The following CCDC50 variants were observed in gnomAD, a reference collection of about 807,000 sequenced individuals.
The protein encoded by CCDC50 is coiled-coil domain containing 50, also known as coiled-coil domain-containing protein 50.
A neutral mutation model predicts 70.2 loss-of-function variants in CCDC50; 54 were observed. The ratio of observed to expected loss-of-function variants is 0.77; its 90% CI spans 0.62 to 0.96. The LOEUF is 0.96. Among genes scored for constraint, CCDC50 ranks in the 50% least tolerant of loss-of-function variants. CCDC50 has a pLI of 0.00. For synonymous variants in CCDC50, 216 were observed against 198.8 expected (o/e 1.09, Z -0.73); for missense variants, 558 against 578.7 (o/e 0.96, Z 0.37).
In CCDC50 at chr3:191,393,058, A is replaced by T. The variant is rs1209935773; in HGVS notation, c.*1298A>T. On this transcript the variant is annotated 3_prime_UTR_variant, in exon 12 of 12. Coordinates refer to ENST00000392455, the MANE Select transcript of CCDC50 (RefSeq NM_178335.3). ...CAGCCAGCCAAGTATTTGGTTTTAA[A>T]CATTTGTATTCCTTTGTGCAAGGGA... The T allele has an allele frequency of 2.0e-5, 3 of 152,234 alleles. No homozygotes were observed. The highest frequency in any genetic ancestry group is 7.2e-5 in the African/African-American group (3 of 41,436). 9.4% of individuals were successfully genotyped at this position (152,234 alleles called of 1,614,324 possible). A position where few individuals can be genotyped will look rare whatever the true frequency, so the allele number is the denominator to read the frequency against.
rs763871131 is a variant in CCDC50, at chr3:191,391,929, A to G, written c.*169A>G. ...TTAATTCATTTCAAATGTTTTGGTTATTCATGATCACTTGGGCAGTATAAG... is the reference window on the plus strand; with the variant it reads ...TTAATTCATTTCAAATGTTTTGGTTGTTCATGATCACTTGGGCAGTATAAG... On this transcript the variant is annotated 3_prime_UTR_variant, in exon 12 of 12. Coordinates refer to ENST00000392455, the MANE Select transcript of CCDC50 (RefSeq NM_178335.3). 1.5e-5 allele frequency: 10 copies of G among 673,932 alleles called. No individual in the cohort carries two copies. Among genetic ancestry groups the G allele is most frequent in the Admixed American group, 1.1e-4 (4 of 36,330 alleles). 41.7% of individuals were successfully genotyped at this position (673,932 alleles called of 1,614,324 possible). A position where few individuals can be genotyped will look rare whatever the true frequency, so the allele number is the denominator to read the frequency against.
At chr3:191,377,926 A>G (rs1360600754) in intron 6 of CCDC50, among the ~76,000 whole-genome samples, 1 of 152,150 alleles carries the variant, frequency 6.6e-6, no homozygotes, top group Non-Finnish European at 1.5e-5. Context: ...TACTGAGATG[A>G]GGGAAGCTAG....
intron 6 of CCDC50, among the ~76,000 whole-genome samples, chr3:191,376,674 T>C (rs1377971671): frequency 6.6e-6 from 1 of 152,146 alleles, no homozygotes; most frequent in African/African-American, 2.4e-5. Context: ...CAAATATCCT[T>C]GTCTTAGGCT....
chr3:191,387,375 C>G (rs1376070867), intron 10 of CCDC50, among the ~76,000 whole-genome samples: 1 of 152,052 alleles, frequency 6.6e-6, no homozygotes, highest in East Asian at 1.9e-4. Context: ...AACAGGCAGT[C>G]TTAATACAAT....
chr3:191,360,686 A>G (rs150249856), intron 3 of CCDC50, among the ~76,000 whole-genome samples: 2 of 152,348 alleles, frequency 1.3e-5, no homozygotes, highest in Non-Finnish European at 2.9e-5. Context: ...ACACTTTTTT[A>G]TAGCTTATAA....
chr3:191,386,746 A>T (rs1713510932), intron 10 of CCDC50, among the ~76,000 whole-genome samples: 2 of 152,156 alleles, frequency 1.3e-5, no homozygotes, highest in Admixed American at 1.3e-4. Context: ...ACACACACAA[A>T]ATACTTAGGA....
intron 1 of CCDC50, among the ~76,000 whole-genome samples, chr3:191,346,069 T>G (rs1428487753): frequency 1.3e-5 from 2 of 152,238 alleles, no homozygotes; most frequent in Non-Finnish European, 2.9e-5. Context: ...CATATTTCTC[T>G]TCTTACATTG....
intron 4 of CCDC50, among the ~76,000 whole-genome samples, chr3:191,366,369 A>G (rs1390372751): frequency 6.6e-6 from 1 of 152,066 alleles, no homozygotes; most frequent in Non-Finnish European, 1.5e-5. Flanking sequence ...TATGGTTTCA[A>G]ATTTTCCAGA....
At chr3:191,384,590 G>A (rs578401) in intron 10 of CCDC50, among the ~76,000 whole-genome samples, 63,826 of 151,638 alleles carry the variant, frequency 0.42, 15,045 homozygotes, top group Non-Finnish European at 0.53. Context: ...CTTATGGTTA[G>A]AAATCCAATT....
chr3:191,332,619 G>A (rs964307495), intron 1 of CCDC50, among the ~76,000 whole-genome samples: 2 of 152,238 alleles, frequency 1.3e-5, no homozygotes, highest in African/African-American at 4.8e-5. Context: ...GTTAGGGAAA[G>A]GAACAGGCAT....
intron 7 of CCDC50, 23 bp from the exon 8 acceptor site, chr3:191,380,664 T>C: frequency 6.2e-7 from 1 of 1,607,344 alleles, no homozygotes; most frequent in Non-Finnish European, 8.5e-7. Flanking sequence ...AAATTCTTTG[T>C]TTTTGTATTT....
intron 1 of CCDC50, among the ~76,000 whole-genome samples, chr3:191,330,160 C>T (rs1717918481): frequency 6.6e-6 from 1 of 152,136 alleles, no homozygotes; most frequent in South Asian, 2.1e-4. Flanking sequence ...ATGACTCTTT[C>T]CCTCCTTCTC....
chr3:191,380,204 G>A lies in CCDC50; in HGVS notation c.1022G>A (p.Arg341Gln), dbSNP rs766721632. ...AAAGAAGCTGTATCTACTCCATCAC[G>A]AATGGCCCACAGGGATCAGGAATGG... ...VMKEAVSTPSRMAHRDQEWYD... is the reference protein window; with the variant it reads ...VMKEAVSTPSQMAHRDQEWYD... Residue 341 changes from arginine (R) to glutamine (Q), a missense_variant, in exon 7 of 12, where the codon CGA becomes CAA. By Grantham distance (43) the Arg-to-Gln change is conservative. Transcript: ENST00000392455. 4 of 1,610,576 alleles carry A rather than the reference G, an allele frequency of 2.5e-6. No individual in the cohort carries two copies. The highest frequency in any genetic ancestry group is 2.2e-5 in the South Asian group (2 of 90,922).
At chr3:191,384,712 T>G (rs1713431508) in intron 10 of CCDC50, among the ~76,000 whole-genome samples, 1 of 151,884 alleles carries the variant, frequency 6.6e-6, no homozygotes. Context: ...ATGTGTAGGT[T>G]TTTTTTACAA....
chr3:191,390,960 G>A (rs1279979713), intron 11 of CCDC50, among the ~76,000 whole-genome samples: 1 of 152,152 alleles, frequency 6.6e-6, no homozygotes, highest in Non-Finnish European at 1.5e-5. Context: ...ATTTTTATGA[G>A]AGCTGTAAAA....
chr3:191,377,363 G>A (rs1381135608), intron 6 of CCDC50, among the ~76,000 whole-genome samples: 1 of 152,176 alleles, frequency 6.6e-6, no homozygotes, highest in Non-Finnish European at 1.5e-5. Context: ...ATGACACGGA[G>A]CTGGTTCTAA....
In CCDC50 at chr3:191,353,018, C is replaced by G. The variant is rs1186401892; in HGVS notation, c.50-4070C>G. Among the ~76,000 whole-genome samples, 3 of 140,506 alleles carry G rather than the reference C, an allele frequency of 2.1e-5. 1 individual carries two copies. The highest frequency in any genetic ancestry group is 4.8e-5 in the Non-Finnish European group (3 of 62,480). 92.2% of individuals were successfully genotyped at this position (140,506 alleles called of 152,430 possible). ...ACGAGCACACATTGTGTGGAAGGTG[C>G]AGAAAGTACACCCACAAAGTCCCTG... On this transcript the variant is annotated intron_variant, in intron 1 of 11. Coordinates refer to ENST00000392455, the MANE Select transcript of CCDC50 (RefSeq NM_178335.3).
intron 9 of CCDC50, among the ~76,000 whole-genome samples, chr3:191,381,415 T>A (rs1475930460): frequency 1.3e-5 from 2 of 152,146 alleles, no homozygotes; most frequent in African/African-American, 4.8e-5. Flanking sequence ...AATTATTATT[T>A]ATGTCACAGT....
At chr3:191,331,117 T>A (rs1422072963) in intron 1 of CCDC50, among the ~76,000 whole-genome samples, 1 of 152,202 alleles carries the variant, frequency 6.6e-6, no homozygotes, top group Non-Finnish European at 1.5e-5. Context: ...TATCCTTTAC[T>A]TTTGGATATG....
Sources: allele counts gnomAD v4.1 joint callset (sites outside exome capture counted in the v4.1 genomes callset), GRCh38; gene constraint gnomAD v4.1.1; transcripts MANE v1.5; gene names NCBI Gene and HGNC (gene_info 2026-07-23, HGNC 2026-07-21).